The following DMD variants were observed in gnomAD, a reference collection of about 807,000 sequenced individuals.
DMD encodes mutant dystrophin.
In DMD, 63 loss-of-function variants were observed where a neutral mutation model predicts 330.1. The observed-to-expected ratio is 0.19, with a 90% CI of 0.16 to 0.24. The LOEUF is 0.24. Ranked by LOEUF, DMD falls within the 10% of genes least tolerant of loss-of-function variation. The pLI is 1.00. For missense variants in DMD, 3,344 were observed against 2,684.1 expected, an observed-to-expected ratio of 1.25 and a Z score of -5.43; for synonymous variants, 1,223 against 959.8, an observed-to-expected ratio of 1.27 and a Z score of -5.07.
At position 31,468,183 on chromosome X, in the gene DMD, G is replaced by A. The variant is rs1489306547; in HGVS notation, c.8937+9923C>T. On this transcript the variant is annotated intron_variant, in intron 59 of 78. Coordinates refer to ENST00000357033, the MANE Select transcript of DMD (RefSeq NM_004006.3). ...TATCTCCTTCAGTTCTGCTCTGATC[G>A]TAGTTATTTCTTCTCTTCTGCTAGC... Among the ~76,000 whole-genome samples the A allele has an allele frequency of 3.6e-5, 4 of 111,382 alleles. No homozygotes were observed. In the South Asian group the frequency reaches 1.1e-3, roughly 31 times the overall value.
rs1403069468 is a variant in DMD, at chrX:32,216,905, CAA to C, written c.6438+9_6438+10del. ...TAAATACAATTTCGAAAAAACAAAT[CAA>C]AGACTTACCTTAAGATACCATTTGT... On this transcript the variant is annotated intron_variant, in intron 44 of 78. Coordinates refer to ENST00000357033, the MANE Select transcript of DMD (RefSeq NM_004006.3). 3 of 1,204,565 alleles carry C rather than the reference CAA, an allele frequency of 2.5e-6. No individual in the cohort carries two copies. The Admixed American group carries it at 6.6e-5, about 26-fold the overall frequency.
chrX:32,649,765 G>A (rs1275926120), intron 9 of DMD, among the ~76,000 whole-genome samples: 1 of 110,090 alleles, frequency 9.1e-6, no homozygotes, highest in Admixed American at 9.8e-5. Context: ...CAATAGCCTT[G>A]ATACTTCTGA....
chrX:32,543,347 A>G, intron 17 of DMD, among the ~76,000 whole-genome samples: 2 of 110,140 alleles, frequency 1.8e-5, no homozygotes, highest in Middle Eastern at 4.7e-3. Flanking sequence ...TTTTTTTCCA[A>G]CACAATCCAT....
chrX:32,654,001 G>T (rs1162069688), intron 9 of DMD, among the ~76,000 whole-genome samples: 1 of 112,026 alleles, frequency 8.9e-6, no homozygotes, highest in Non-Finnish European at 1.9e-5. Context: ...ACATTGATTT[G>T]TATCCTGAGA....
intron 7 of DMD, among the ~76,000 whole-genome samples, chrX:32,705,420 C>T (rs1313950349): frequency 8.9e-6 from 1 of 111,840 alleles, no homozygotes; most frequent in Non-Finnish European, 1.9e-5. Context: ...CCAGGAGAAA[C>T]ACAAAACAAT....
At position 32,675,066 on chromosome X, in the gene DMD, A is replaced by AT. The variant is rs1330087417; in HGVS notation, c.960+22803_960+22804insA. Among the ~76,000 whole-genome samples, 5 of 111,788 alleles carry AT rather than the reference A, an allele frequency of 4.5e-5. No homozygotes were observed. The East Asian group carries it at 1.4e-3, about 31-fold the overall frequency. ...TGTTCTGATTTCAAATTCAATGTTCAATTGCTCAGTTCACCAAATCTAGTT... is the reference window on the plus strand; with the variant it reads ...TGTTCTGATTTCAAATTCAATGTTCATATTGCTCAGTTCACCAAATCTAGTT... On this transcript the variant is annotated intron_variant, in intron 9 of 78. Transcript: ENST00000357033.
chrX:33,245,275 C>A (rs2052647504), intron 1 of DMD, among the ~76,000 whole-genome samples: 1 of 75,128 alleles, frequency 1.3e-5, no homozygotes, highest in Non-Finnish European at 3.1e-5. Context: ...TTTTTCAGGG[C>A]TCTGAAAAGT....
At chrX:31,272,813 G>A (rs768646070) in intron 62 of DMD, among the ~76,000 whole-genome samples, 5 of 112,269 alleles carry the variant, frequency 4.5e-5, no homozygotes, top group Non-Finnish European at 7.5e-5. Context: ...GGAGGTTACA[G>A]AAAATTCTAT....
chrX:32,067,484 C>T (rs1239946530), intron 44 of DMD, among the ~76,000 whole-genome samples: 2 of 110,735 alleles, frequency 1.8e-5, no homozygotes, highest in African/African-American at 6.6e-5. Context: ...CAATAGGCAG[C>T]TTTTCAACCC....
At chrX:33,151,348 C>T (rs1329537066) in intron 1 of DMD, among the ~76,000 whole-genome samples, 1 of 112,510 alleles carries the variant, frequency 8.9e-6, no homozygotes, top group East Asian at 2.8e-4. Context: ...ATTTTAGCTG[C>T]TGACTTTTCA....
At chrX:32,815,520 T>TATATATATATACACACACACACACAC in intron 6 of DMD, among the ~76,000 whole-genome samples, 102 of 78,886 alleles carry the variant, frequency 1.3e-3, no homozygotes, top group African/African-American at 5.2e-3. Flanking sequence ...TATATATATA[T>TATATATATATACACACACACACACAC]ACACACACAC....
chrX:33,202,307 A>G (rs966436212), intron 1 of DMD, among the ~76,000 whole-genome samples: 4 of 111,591 alleles, frequency 3.6e-5, no homozygotes, highest in Non-Finnish European at 5.7e-5. Flanking sequence ...TCATGCTGCC[A>G]CCATTAAAAT....
intron 54 of DMD, among the ~76,000 whole-genome samples, chrX:31,639,479 C>T (rs780535223): frequency 6.2e-5 from 7 of 112,096 alleles, no homozygotes; most frequent in Admixed American, 2.8e-4. Context: ...ACTGCCATAA[C>T]GATCCAAGAA....
intron 1 of DMD, among the ~76,000 whole-genome samples, chrX:33,034,069 A>C (rs932339039): frequency 9.0e-6 from 1 of 111,287 alleles, no homozygotes; most frequent in Admixed American, 9.6e-5. Context: ...TTGTGTTCAT[A>C]TACATATTGT....
At chrX:32,951,625 C>A (rs201992755) in intron 2 of DMD, among the ~76,000 whole-genome samples, 2 of 111,776 alleles carry the variant, frequency 1.8e-5, no homozygotes, top group East Asian at 5.6e-4. Context: ...CACCCCCAGT[C>A]CTCAGAAATA....
At chrX:31,505,475 C>G (rs2070843899) in intron 56 of DMD, among the ~76,000 whole-genome samples, 1 of 111,757 alleles carries the variant, frequency 8.9e-6, no homozygotes, top group East Asian at 2.8e-4. Context: ...AAAACAAATC[C>G]TTTTCTACTC....
At chrX:32,491,879 C>T (rs754288377) in intron 19 of DMD, among the ~76,000 whole-genome samples, 2 of 111,996 alleles carry the variant, frequency 1.8e-5, no homozygotes, top group Non-Finnish European at 3.8e-5. Flanking sequence ...TTTTCAGATA[C>T]ATTTTACATA....
At chrX:31,730,537 A>G (rs1370366408) in intron 51 of DMD, among the ~76,000 whole-genome samples, 1 of 111,396 alleles carries the variant, frequency 9.0e-6, no homozygotes, top group African/African-American at 3.3e-5. Context: ...GTAAATCATT[A>G]AGATATTCTT....
At chrX:31,232,593 G>T (rs1393397961) in intron 63 of DMD, among the ~76,000 whole-genome samples, 2 of 111,560 alleles carry the variant, frequency 1.8e-5, no homozygotes, top group Non-Finnish European at 3.8e-5. Context: ...TCTCAGAAAT[G>T]AAAGGCTCCA....
Sources: gnomAD v4.1 joint callset for allele counts (sites outside exome capture counted in the v4.1 genomes callset) on GRCh38, gnomAD v4.1.1 for gene constraint, MANE v1.5 for transcripts, NCBI Gene and HGNC (gene_info 2026-07-23, HGNC 2026-07-21) for gene names.